SCGN: variants seen among roughly 807,000 people sequenced by gnomAD.
SCGN encodes the protein secretagogin.
Under a neutral mutation model 39.7 loss-of-function variants are expected in SCGN, and 30 were observed. That is an observed-to-expected ratio of 0.76 (90% CI 0.57 to 1.03). The LOEUF is 1.03. Among genes scored for constraint, SCGN ranks in the 50% least tolerant of loss-of-function variants. SCGN has a pLI of 0.00. For synonymous variants in SCGN, 106 were observed against 114.1 expected, an observed-to-expected ratio of 0.93 and a Z score of 0.45; for missense variants, 353 against 349.4, an observed-to-expected ratio of 1.01 and a Z score of -0.08.
chr6:25,693,173 C>A (rs147307131), intron 10 of SCGN, among the ~76,000 whole-genome samples: 1 of 151,946 alleles, frequency 6.6e-6, no homozygotes, highest in Non-Finnish European at 1.5e-5. Flanking sequence ...ACAAAGCGGC[C>A]GGGCGCGGTG....
intron 3 of SCGN, among the ~76,000 whole-genome samples, chr6:25,664,629 G>A (rs1760396621): frequency 6.6e-6 from 1 of 152,116 alleles, no homozygotes; most frequent in Non-Finnish European, 1.5e-5. Flanking sequence ...TTAGAATAGT[G>A]CCTGGAACAT....
In SCGN at chr6:25,701,392, T is replaced by C. The variant is rs572498577; in HGVS notation, c.*57T>C. 9.5e-6 allele frequency: 15 copies of C among 1,582,686 alleles called. No individual in the cohort carries two copies. In the Admixed American group the frequency reaches 2.3e-4, roughly 24 times the overall value. On this transcript the variant is annotated 3_prime_UTR_variant, in exon 11 of 11. Coordinates refer to ENST00000377961, the MANE Select transcript of SCGN (RefSeq NM_006998.4). ...TGTTTCTGTGATCTTGCTGGTAGAA[T>C]TGTATCTGTGCATTGATGTTGGGAA...
chr6:25,669,769 A>G (rs1194498945), intron 5 of SCGN, among the ~76,000 whole-genome samples: 1 of 152,166 alleles, frequency 6.6e-6, no homozygotes, highest in African/African-American at 2.4e-5. Flanking sequence ...TCTGGAAAAG[A>G]AGCATAATTG....
intron 2 of SCGN, 23 bp from the exon 3 acceptor site, chr6:25,661,529 T>C (rs373789332): frequency 6.4e-7 from 1 of 1,559,608 alleles, no homozygotes; most frequent in Non-Finnish European, 8.8e-7. Flanking sequence ...GGCTTTAATG[T>C]GGCTCTGTTT....
At chr6:25,658,183 G>A (rs1049553280) in intron 2 of SCGN, among the ~76,000 whole-genome samples, 1 of 151,130 alleles carries the variant, frequency 6.6e-6, no homozygotes, top group African/African-American at 2.4e-5. Context: ...GGGACTACAG[G>A]CACGTGCCAC....
intron 2 of SCGN, among the ~76,000 whole-genome samples, chr6:25,660,995 G>C (rs760458497): frequency 6.6e-5 from 10 of 152,170 alleles, no homozygotes; most frequent in Non-Finnish European, 1.5e-4. Context: ...AGACAATTAA[G>C]GTTCTACATA....
chr6:25,657,408 T>C (rs528226025), intron 2 of SCGN, among the ~76,000 whole-genome samples: 52 of 152,250 alleles, frequency 3.4e-4, no homozygotes, highest in African/African-American at 1.1e-3. Context: ...AAATAATAAT[T>C]ATTAGAATAA....
rs1759623371 is a variant in SCGN, at chr6:25,680,347, A to G, written c.472-1604A>G. 2.6e-5 allele frequency among the ~76,000 whole-genome samples: 4 copies of G among 152,332 alleles called. No homozygotes were observed. In the South Asian group the frequency reaches 8.3e-4, roughly 32 times the overall value. ...GCCCCAGGAAAGTAGAAGAGCAGAC[A>G]CAGCCGAATATGTGTGCCATTCATC... On this transcript the variant is annotated intron_variant, in intron 6 of 10. Transcript: ENST00000377961.
Position 25,665,036 on chromosome 6 carries a change from A to T in SCGN, c.336+4A>T. ...CAGCAGCGTGGAGTTTATGCAGGTG[A>T]GTGCTTGGTTGTGTCTCTGTGAAGA... On this transcript the variant is annotated splice_donor_region_variant and intron_variant, in intron 4 of 10. Transcript: ENST00000377961. 1 of 1,610,450 alleles carries T rather than the reference A, an allele frequency of 6.2e-7. No individual in the cohort carries two copies. The highest frequency in any genetic ancestry group is 8.5e-7 in the Non-Finnish European group (1 of 1,176,812).
At chr6:25,668,490 C>T (rs1014274322) in intron 4 of SCGN, among the ~76,000 whole-genome samples, 5 of 152,166 alleles carry the variant, frequency 3.3e-5, no homozygotes, top group Admixed American at 6.5e-5. Flanking sequence ...CCATCAGAGA[C>T]AAGACCACAC....
chr6:25,658,003 C>CTTTTTTTTTTTTTTTTTTTT (rs759915721), intron 2 of SCGN, among the ~76,000 whole-genome samples: 1 of 70,382 alleles, frequency 1.4e-5, no homozygotes, highest in Non-Finnish European at 2.7e-5. Flanking sequence ...GAAAGGTATC[C>CTTTTTTTTTTTTTTTTTTTT]TTTTTTTTTT....
At chr6:25,665,912 A>C (rs1760416403) in intron 4 of SCGN, among the ~76,000 whole-genome samples, 1 of 152,204 alleles carries the variant, frequency 6.6e-6, no homozygotes, top group Non-Finnish European at 1.5e-5. Flanking sequence ...AAGCCCAGAG[A>C]TTGTCACTGA....
chr6:25,679,626 T>C (rs575102792), intron 6 of SCGN, among the ~76,000 whole-genome samples: 9 of 152,260 alleles, frequency 5.9e-5, no homozygotes, highest in Admixed American at 5.9e-4. Flanking sequence ...TATCTCTTGG[T>C]TTATAGTCAA....
At chr6:25,686,933 C>G (rs915080705) in intron 7 of SCGN, among the ~76,000 whole-genome samples, 1 of 152,124 alleles carries the variant, frequency 6.6e-6, no homozygotes, top group Admixed American at 6.5e-5. Context: ...CTTGTCCCAA[C>G]ACCATTTCTT....
chr6:25,694,474 C>T (rs1435695269), intron 10 of SCGN, among the ~76,000 whole-genome samples: 2 of 152,118 alleles, frequency 1.3e-5, no homozygotes, highest in African/African-American at 4.8e-5. Flanking sequence ...GGTGAAGATC[C>T]TCGCCCCTTT....
chr6:25,689,259 G>C (rs2294346), intron 8 of SCGN, 42 bp downstream of exon 8: 601,808 of 1,409,274 alleles, frequency 0.43, 132,803 homozygotes, highest in East Asian at 0.71. Flanking sequence ...TGTCATTGCT[G>C]TTTCTCTACG....
At chr6:25,680,290 C>T (rs1759622642) in intron 6 of SCGN, among the ~76,000 whole-genome samples, 1 of 152,176 alleles carries the variant, frequency 6.6e-6, no homozygotes, top group African/African-American at 2.4e-5. Flanking sequence ...AAGCTTCCCT[C>T]ATTATTAATA....
chr6:25,689,379 C>A, intron 8 of SCGN, 94 bp from the exon 9 acceptor site: 1 of 1,278,302 alleles, frequency 7.8e-7, no homozygotes, highest in Non-Finnish European at 1.1e-6. Context: ...AGGTCATTGA[C>A]TCAAAGTTTA....
At chr6:25,663,535 T>C (rs960781259) in intron 3 of SCGN, among the ~76,000 whole-genome samples, 2 of 152,220 alleles carry the variant, frequency 1.3e-5, no homozygotes, top group African/African-American at 4.8e-5. Flanking sequence ...CTTTTAGTCT[T>C]CCCATCAGGA....
Sources: allele counts gnomAD v4.1 joint callset (sites outside exome capture counted in the v4.1 genomes callset), GRCh38; gene constraint gnomAD v4.1.1; transcripts MANE v1.5; gene names NCBI Gene and HGNC (gene_info 2026-07-23, HGNC 2026-07-21).